Variants in SLC14A2 observed in about 807,000 individuals in gnomAD.
The protein encoded by SLC14A2 is urea transporter 2.
SLC14A2 carries 91 observed loss-of-function variants against 104.6 expected under a neutral mutation model. The observed-to-expected ratio is 0.87, with a 90% confidence interval of 0.73 to 1.04. SLC14A2 has a LOEUF of 1.04. Among genes scored for constraint, SLC14A2 ranks in the 50% least tolerant of loss-of-function variants. SLC14A2 has a pLI of 0.00. For synonymous variants in SLC14A2, 476 were observed against 466.4 expected (o/e 1.02, Z -0.27); for missense variants, 1,189 against 1,156.0 (o/e 1.03, Z -0.41).
intron 1 of SLC14A2, among the ~76,000 whole-genome samples, chr18:45,312,030 T>C (rs2085084251): frequency 2.0e-5 from 3 of 152,200 alleles, no homozygotes; most frequent in Admixed American, 1.3e-4. Flanking sequence ...CCTCATGCCA[T>C]TGAGTCCACC....
chr18:45,448,076 A>G (rs956934106), intron 1 of SLC14A2, among the ~76,000 whole-genome samples: 1 of 152,260 alleles, frequency 6.6e-6, no homozygotes, highest in Admixed American at 6.5e-5. Flanking sequence ...TTGCTGTGTT[A>G]TCAGCATACC....
chr18:45,377,557 C>G (rs1420373669), intron 1 of SLC14A2, among the ~76,000 whole-genome samples: 1 of 152,056 alleles, frequency 6.6e-6, no homozygotes, highest in Non-Finnish European at 1.5e-5. Flanking sequence ...ACTCATTTCC[C>G]CCTCTCCTTT....
At chr18:45,641,170 G>T in intron 7 of SLC14A2, 39 bp from the exon 8 acceptor site, 1 of 1,606,638 alleles carries the variant, frequency 6.2e-7, no homozygotes, top group Non-Finnish European at 8.5e-7. Flanking sequence ...TTGTTCTGTG[G>T]CCCAGAATCA....
intron 1 of SLC14A2, among the ~76,000 whole-genome samples, chr18:45,458,585 A>G (rs943047064): frequency 6.6e-6 from 1 of 152,182 alleles, no homozygotes; most frequent in Non-Finnish European, 1.5e-5. Context: ...TGATTTTATA[A>G]ATGCCTCTCC....
chr18:45,542,517 A>C (rs2043906635), intron 2 of SLC14A2: 1 of 152,218 alleles, frequency 6.6e-6, no homozygotes, highest in African/African-American at 2.4e-5. Context: ...TGCAGTGGAT[A>C]AACAATGATA....
intron 1 of SLC14A2, among the ~76,000 whole-genome samples, chr18:45,469,948 T>C (rs1453891834): frequency 6.6e-6 from 1 of 152,194 alleles, no homozygotes; most frequent in Non-Finnish European, 1.5e-5. Context: ...TCAATTCTTT[T>C]ATAGCTGTTT....
intron 4 of SLC14A2, among the ~76,000 whole-genome samples, chr18:45,630,856 G>A (rs1341757983): frequency 1.3e-5 from 2 of 152,170 alleles, no homozygotes; most frequent in African/African-American, 4.8e-5. Flanking sequence ...AGCTTGTCCT[G>A]TGTCCAGTAC....
At chr18:45,580,778 CAGACTG>C (rs2044479986) in intron 2 of SLC14A2, among the ~76,000 whole-genome samples, 1 of 152,052 alleles carries the variant, frequency 6.6e-6, no homozygotes, top group Non-Finnish European at 1.5e-5. Flanking sequence ...AGCTGAGATT[CAGACTG>C]AGGCTGGGGT....
At chr18:45,650,551 G>A (rs2045715973) in intron 10 of SLC14A2, among the ~76,000 whole-genome samples, 1 of 152,130 alleles carries the variant, frequency 6.6e-6, no homozygotes, top group Admixed American at 6.5e-5. Context: ...AACTATTAAT[G>A]TGTTACTCAG....
intron 2 of SLC14A2, among the ~76,000 whole-genome samples, chr18:45,567,112 G>GA (rs2044278535): frequency 2.0e-5 from 3 of 146,930 alleles, no homozygotes; most frequent in South Asian, 4.4e-4. Flanking sequence ...CTCACAAGGA[G>GA]AAAAAGGACC....
intron 1 of SLC14A2, among the ~76,000 whole-genome samples, chr18:45,313,857 G>A (rs528795463): frequency 1.3e-5 from 2 of 152,074 alleles, no homozygotes; most frequent in Non-Finnish European, 2.9e-5. Context: ...CCCTAGAAAA[G>A]GGCTTTCTGT....
intron 1 of SLC14A2, among the ~76,000 whole-genome samples, chr18:45,402,249 A>G (rs2144456470): frequency 6.6e-6 from 1 of 152,222 alleles, no homozygotes; most frequent in Admixed American, 6.5e-5. Context: ...CCTCCTGCAA[A>G]AAAAAGTTTC....
chr18:45,358,134 G>A (rs1395142395), intron 1 of SLC14A2, among the ~76,000 whole-genome samples: 1 of 152,180 alleles, frequency 6.6e-6, no homozygotes, highest in Non-Finnish European at 1.5e-5. Flanking sequence ...TCAAAAATTT[G>A]CCAGAGAGAC....
At chr18:45,500,951 C>T (rs562785565) in intron 2 of SLC14A2, among the ~76,000 whole-genome samples, 1 of 152,316 alleles carries the variant, frequency 6.6e-6, no homozygotes, top group Admixed American at 6.5e-5. Context: ...TCAAAAGGAC[C>T]TCCTTTGCAG....
intron 19 of SLC14A2, among the ~76,000 whole-genome samples, chr18:45,680,239 T>A (rs1036558471): frequency 3.9e-5 from 6 of 152,230 alleles, no homozygotes; most frequent in African/African-American, 1.4e-4. Context: ...GTGCCTTCCT[T>A]GAACAAGTCA....
chr18:45,410,876 G>C (rs2885618), intron 1 of SLC14A2, among the ~76,000 whole-genome samples: 1 of 152,058 alleles, frequency 6.6e-6, no homozygotes, highest in African/African-American at 2.4e-5. Flanking sequence ...TGTAGATGAC[G>C]TGATAGCATT....
At chr18:45,560,603 A>G (rs2044188178) in intron 2 of SLC14A2, among the ~76,000 whole-genome samples, 1 of 152,214 alleles carries the variant, frequency 6.6e-6, no homozygotes, top group Non-Finnish European at 1.5e-5. Flanking sequence ...AACTTATATG[A>G]AGCCCCTATG....
chr18:45,635,387 A>G (rs1364436567), intron 5 of SLC14A2, among the ~76,000 whole-genome samples: 3 of 152,242 alleles, frequency 2.0e-5, no homozygotes, highest in East Asian at 1.9e-4. Context: ...AAGAGAGGGG[A>G]AAAACCATCA....
At chr18:45,581,157 G>GTGAT (rs1160235407) in intron 2 of SLC14A2, among the ~76,000 whole-genome samples, 6 of 152,218 alleles carry the variant, frequency 3.9e-5, no homozygotes, top group African/African-American at 7.2e-5. Flanking sequence ...GAAAAGAGCA[G>GTGAT]TGATTGTCTA....
Sources: gnomAD v4.1 joint callset for allele counts (sites outside exome capture counted in the v4.1 genomes callset) on GRCh38, gnomAD v4.1.1 for gene constraint, MANE v1.5 for transcripts, NCBI Gene and HGNC (gene_info 2026-07-23, HGNC 2026-07-21) for gene names.